Variants in PIK3R4 observed in about 807,000 individuals in gnomAD.
The protein encoded by PIK3R4 is phosphoinositide 3-kinase regulatory subunit 4.
A neutral mutation model predicts 136.5 loss-of-function variants in PIK3R4; 46 were observed. The ratio of observed to expected loss-of-function variants is 0.34; its 90% confidence interval spans 0.27 to 0.43. PIK3R4 has a LOEUF of 0.43. Among genes scored for constraint, PIK3R4 ranks in the 20% least tolerant of loss-of-function variants. The pLI is 1.00. For missense variants in PIK3R4, 1,331 were observed against 1,649.5 expected, an observed-to-expected ratio of 0.81 and a Z score of 3.35; for synonymous variants, 557 against 566.7, an observed-to-expected ratio of 0.98 and a Z score of 0.24.
chr3:130,740,101 T>C (rs187456126), intron 2 of PIK3R4, among the ~76,000 whole-genome samples: 1 of 152,364 alleles, frequency 6.6e-6, no homozygotes, highest in East Asian at 1.9e-4. Flanking sequence ...TACATCACTA[T>C]TCTTGCAACT....
chr3:130,710,633 T>C (rs1462299326), intron 9 of PIK3R4, among the ~76,000 whole-genome samples: 3 of 152,126 alleles, frequency 2.0e-5, no homozygotes, highest in Non-Finnish European at 2.9e-5. Context: ...AAATAGTCAC[T>C]GTTCACACAT....
intron 2 of PIK3R4, among the ~76,000 whole-genome samples, chr3:130,736,916 G>A (rs979546899): frequency 2.0e-5 from 3 of 152,212 alleles, no homozygotes; most frequent in Admixed American, 1.3e-4. Context: ...GAGAGGAAAA[G>A]AGAGATAACT....
At position 130,705,640 on chromosome 3, in the gene PIK3R4, C is replaced by G; in HGVS notation, c.2853G>C (p.Lys951Asn). ...TTCTCTCAGCATTGCACTGCTCCCG[C>G]TTTTGCTGGATGAGTTGCTGAAGTT... ...KTELQQLIQQKREQCNAERIA... is the reference protein window; with the variant it reads ...KTELQQLIQQNREQCNAERIA... Residue 951 changes from lysine (K) to asparagine (N), a missense_variant, in exon 12 of 20, where the codon AAG becomes AAC. Around this residue, in one of 2 missense-constraint regions of PIK3R4, gnomAD observed 1,180 missense variants for 1,407.0 expected, o/e 0.84. Transcript: ENST00000356763. The G allele has an allele frequency of 6.2e-7, 1 of 1,613,830 alleles. No individual in the cohort carries two copies. Among genetic ancestry groups the G allele is most frequent in the Non-Finnish European group, 8.5e-7 (1 of 1,179,740 alleles).
At chr3:130,680,841 A>C (rs1189884472) in intron 18 of PIK3R4, 120 bp from the exon 19 acceptor site, 1 of 771,754 alleles carries the variant, frequency 1.3e-6, no homozygotes, top group Non-Finnish European at 2.1e-6. Context: ...GTTTTCATAG[A>C]ACAGCATACC....
At chr3:130,741,213 T>C (rs542173610) in intron 2 of PIK3R4, among the ~76,000 whole-genome samples, 2 of 152,262 alleles carry the variant, frequency 1.3e-5, no homozygotes, top group South Asian at 4.1e-4. Flanking sequence ...GTGCCCTTAA[T>C]CCAATATGAC....
In PIK3R4 at chr3:130,684,381, C is replaced by G; in HGVS notation, c.3476G>C (p.Gly1159Ala). 1.2e-6 allele frequency: 2 copies of G among 1,611,770 alleles called. No homozygotes were observed. The highest frequency in any genetic ancestry group is 1.7e-6 in the Non-Finnish European group (2 of 1,178,552). The change falls in exon 16 of 20, where the codon GGT becomes GCT. Residue 1159 changes from glycine (G) to alanine (A), a missense_variant and splice_region_variant. Gly to Ala is a moderately conservative substitution (Grantham distance 60). Around this residue, in one of 2 missense-constraint regions of PIK3R4, gnomAD observed 1,180 missense variants for 1,407.0 expected, o/e 0.84. Coordinates refer to ENST00000356763, the MANE Select transcript of PIK3R4 (RefSeq NM_014602.3). ...ACAAGCCATGGTACCACTGCTTGTA[C>G]CTTAAAGAAAAAAGGAAAAAAAGAT... is the stretch of plus-strand genomic sequence containing the variant. ...VDIHQCWLCI[G>A]TSSGTMACWD...
chr3:130,702,766 TCA>T (rs1331782411), intron 13 of PIK3R4, among the ~76,000 whole-genome samples: 1 of 152,178 alleles, frequency 6.6e-6, no homozygotes, highest in African/African-American at 2.4e-5. Context: ...TTTATCATAA[TCA>T]CATTTATTAA....
chr3:130,704,555 T>C (rs1238254604), intron 12 of PIK3R4, among the ~76,000 whole-genome samples: 2 of 152,202 alleles, frequency 1.3e-5, no homozygotes, highest in African/African-American at 4.8e-5. Context: ...ATAAGCACAC[T>C]ATGCATCTTC....
chr3:130,694,108 C>CAGACAT (rs958560506), intron 13 of PIK3R4, among the ~76,000 whole-genome samples: 6 of 152,038 alleles, frequency 3.9e-5, no homozygotes, highest in African/African-American at 9.7e-5. Context: ...ATATATGACA[C>CAGACAT]AGACATAGAC....
chr3:130,727,752 G>A (rs1302172303), intron 6 of PIK3R4, among the ~76,000 whole-genome samples: 3 of 152,124 alleles, frequency 2.0e-5, no homozygotes, highest in African/African-American at 7.2e-5. Flanking sequence ...GGGAAAAGGG[G>A]ATCAGTTATT....
chr3:130,710,517 C>A (rs1285850471), intron 9 of PIK3R4, among the ~76,000 whole-genome samples: 7 of 151,898 alleles, frequency 4.6e-5, no homozygotes, highest in Non-Finnish European at 1.0e-4. Context: ...ATATGAGAAA[C>A]AAGGATGCCC....
At chr3:130,727,559 G>C (rs1299095338) in intron 6 of PIK3R4, among the ~76,000 whole-genome samples, 1 of 152,174 alleles carries the variant, frequency 6.6e-6, no homozygotes, top group Admixed American at 6.5e-5. Flanking sequence ...TCACAAGAAA[G>C]TCTGGACACA....
chr3:130,689,631 C>A (rs143959990), intron 14 of PIK3R4, among the ~76,000 whole-genome samples: 2 of 152,336 alleles, frequency 1.3e-5, no homozygotes, highest in African/African-American at 4.8e-5. Flanking sequence ...AACAACTCCT[C>A]ATTTTGCTTT....
intron 15 of PIK3R4, 111 bp from the exon 16 acceptor site, chr3:130,684,492 CCTT>C: frequency 1.0e-6 from 1 of 982,474 alleles, no homozygotes; most frequent in Non-Finnish European, 1.5e-6. Context: ...TTGAAAAATG[CCTT>C]CGTTACTTAA....
intron 13 of PIK3R4, among the ~76,000 whole-genome samples, chr3:130,702,732 A>G (rs2066581823): frequency 6.6e-6 from 1 of 152,258 alleles, no homozygotes; most frequent in East Asian, 1.9e-4. Flanking sequence ...GGACATACTT[A>G]TAAAGTTGTA....
Position 130,716,456 on chromosome 3 carries a change from G to A in PIK3R4, c.2271C>T (p.Pro757=), listed in dbSNP as rs201986863. The A allele has an allele frequency of 4.5e-5, 73 of 1,614,028 alleles. No homozygotes were observed. The highest frequency in any genetic ancestry group is 3.1e-4 in the African/African-American group (23 of 74,924). Residue 757 remains proline, a synonymous_variant, in exon 9 of 20, where the codon CCC becomes CCT. Coordinates refer to ENST00000356763, the MANE Select transcript of PIK3R4 (RefSeq NM_014602.3). ...MRQKKRNGSL[P]DCPPPEDPAI... ...CAGGATCCTCTGGCGGAGGGCAGTC[G>A]GGAAGAGAACCATTTCGTTTCTTCT...
At chr3:130,715,413 G>A (rs763426666) in intron 9 of PIK3R4, among the ~76,000 whole-genome samples, 11 of 151,830 alleles carry the variant, frequency 7.2e-5, no homozygotes, top group Admixed American at 3.9e-4. Flanking sequence ...CCTGAACCAC[G>A]GCACCCGGCC....
chr3:130,732,780 AACT>A (rs1314853015), intron 4 of PIK3R4, among the ~76,000 whole-genome samples: 5 of 151,836 alleles, frequency 3.3e-5, no homozygotes, highest in African/African-American at 9.7e-5. Context: ...AAAATGAATG[AACT>A]ACATTTCTTT....
At chr3:130,693,630 CTT>C (rs749423258) in intron 13 of PIK3R4, among the ~76,000 whole-genome samples, 4 of 151,988 alleles carry the variant, frequency 2.6e-5, no homozygotes, top group Non-Finnish European at 5.9e-5. Flanking sequence ...GGTCATTTGT[CTT>C]TTTATTGTTG....
Sources: allele counts gnomAD v4.1 joint callset (sites outside exome capture counted in the v4.1 genomes callset), GRCh38; gene constraint gnomAD v4.1.1; regional missense constraint gnomAD v4.1.1; transcripts MANE v1.5; gene names NCBI Gene and HGNC (gene_info 2026-07-23, HGNC 2026-07-21).